MAML3: variants seen among roughly 807,000 people sequenced by gnomAD.
MAML3 encodes mastermind-like protein 3.
MAML3 carries 27 observed loss-of-function variants against 101.9 expected under a neutral mutation model. The ratio of observed to expected loss-of-function variants is 0.27; its 90% CI spans 0.20 to 0.37. MAML3 has a LOEUF of 0.37. MAML3 is among the 10% of genes least tolerant of loss of function. The probability of loss-of-function intolerance (pLI) is 1.00; values close to 1 mark genes in which losing one functional copy is unlikely to be tolerated. For synonymous variants in MAML3, 501 were observed against 555.9 expected (o/e 0.90, Z 1.39); for missense variants, 1,316 against 1,444.9 (o/e 0.91, Z 1.45).
intron 2 of MAML3, among the ~76,000 whole-genome samples, chr4:139,872,683 G>A (rs1310927027): frequency 6.6e-6 from 1 of 152,140 alleles, no homozygotes; most frequent in African/African-American, 2.4e-5. Context: ...CAAAGGAAGG[G>A]ATAGAAATGA....
intron 1 of MAML3, among the ~76,000 whole-genome samples, chr4:140,069,601 G>C (rs1201537982): frequency 7.0e-5 from 10 of 142,930 alleles, no homozygotes; most frequent in Non-Finnish European, 1.5e-4. Context: ...AGAGGAGGAG[G>C]AAGAAGAAGA....
In MAML3 at chr4:139,725,842, C is replaced by A. The variant is rs761157628; in HGVS notation, c.2332-7G>T. 3.1e-6 allele frequency: 5 copies of A among 1,612,996 alleles called. No individual in the cohort carries two copies. The highest frequency in any genetic ancestry group is 4.5e-5 in the East Asian group (2 of 44,882). ...GATGTGATTGCTGCAACTGCTAGAA[C>A]AACAGAACACAAGAGGGGTGGAGAG... is the stretch of plus-strand genomic sequence containing the variant. On this transcript the variant is annotated splice_region_variant and splice_polypyrimidine_tract_variant and intron_variant, in intron 3 of 4. Transcript: ENST00000509479.
intron 1 of MAML3, among the ~76,000 whole-genome samples, chr4:140,058,566 G>GTATATA (rs10545710): frequency 6.7e-6 from 1 of 148,434 alleles, no homozygotes; most frequent in Non-Finnish European, 1.5e-5. Context: ...TATAATACAT[G>GTATATA]TATATATATA....
At chr4:140,124,148 G>A (rs958813376) in intron 1 of MAML3, among the ~76,000 whole-genome samples, 2 of 152,098 alleles carry the variant, frequency 1.3e-5, no homozygotes, top group African/African-American at 4.8e-5. Flanking sequence ...TTTCTCTGAC[G>A]TTTTTAACAA....
intron 1 of MAML3, among the ~76,000 whole-genome samples, chr4:140,018,925 T>C (rs1306018554): frequency 6.9e-6 from 1 of 145,076 alleles, no homozygotes; most frequent in African/African-American, 2.4e-5. Context: ...ACAAGAAAAA[T>C]GAAAAAATAC....
At position 139,889,400 on chromosome 4, in the gene MAML3, A is replaced by G. The variant is rs747780027; in HGVS notation, c.2036T>C (p.Met679Thr). ...TGCAGCGTAAGCCATGGGCTGATTC[A>G]TCACTCCTTTCTGCTTCATGAGAAG... ...RLLLMKQKGV[M>T]NQPMAYAALP... Residue 679 changes from methionine to threonine, a missense_variant, in exon 2 of 5, where the codon ATG (methionine) becomes ACG (threonine). Coordinates refer to ENST00000509479, the MANE Select transcript of MAML3 (RefSeq NM_018717.5). 2 of 1,614,028 alleles carry G rather than the reference A, an allele frequency of 1.2e-6. No homozygotes were observed. Among genetic ancestry groups the G allele is most frequent in the East Asian group, 4.5e-5 (2 of 44,890 alleles).
At chr4:139,900,358 A>T (rs1334218600) in intron 1 of MAML3, among the ~76,000 whole-genome samples, 3 of 152,184 alleles carry the variant, frequency 2.0e-5, no homozygotes, top group East Asian at 1.9e-4. Context: ...TCCTTTAATT[A>T]TGCTTAAACA....
At chr4:140,046,894 C>T (rs1727192612) in intron 1 of MAML3, among the ~76,000 whole-genome samples, 2 of 151,952 alleles carry the variant, frequency 1.3e-5, no homozygotes, top group South Asian at 2.1e-4. Flanking sequence ...CAGAGAGGCT[C>T]GTGTGGAATA....
chr4:139,744,840 T>C (rs974855468), intron 2 of MAML3, among the ~76,000 whole-genome samples: 2 of 152,174 alleles, frequency 1.3e-5, no homozygotes, highest in Non-Finnish European at 2.9e-5. Flanking sequence ...TCGATTTCCA[T>C]AGAGCCAGGC....
At chr4:140,066,780 C>T (rs1162476602) in intron 1 of MAML3, among the ~76,000 whole-genome samples, 1 of 152,228 alleles carries the variant, frequency 6.6e-6, no homozygotes, top group Non-Finnish European at 1.5e-5. Flanking sequence ...CCAGATCTAC[C>T]TATCCCACCA....
At chr4:140,112,955 G>A (rs1728460328) in intron 1 of MAML3, among the ~76,000 whole-genome samples, 1 of 152,108 alleles carries the variant, frequency 6.6e-6, no homozygotes, top group Non-Finnish European at 1.5e-5. Flanking sequence ...AGTTTTGTAG[G>A]GCCTGAAGTC....
intron 1 of MAML3, among the ~76,000 whole-genome samples, chr4:140,085,902 A>G (rs1727943987): frequency 6.6e-6 from 1 of 152,214 alleles, no homozygotes; most frequent in African/African-American, 2.4e-5. Context: ...TTTGTCCTAC[A>G]GATTTCTTCT....
intron 1 of MAML3, among the ~76,000 whole-genome samples, chr4:139,979,926 A>G (rs1322245841): frequency 6.6e-6 from 1 of 152,192 alleles, no homozygotes; most frequent in Non-Finnish European, 1.5e-5. Flanking sequence ...ACAACTGCCA[A>G]TAGTAAGTAG....
At chr4:139,949,504 C>A (rs1425560786) in intron 1 of MAML3, among the ~76,000 whole-genome samples, 2 of 152,252 alleles carry the variant, frequency 1.3e-5, no homozygotes, top group African/African-American at 4.8e-5. Flanking sequence ...TCACAAAAAA[C>A]CAGGAAGCAT....
intron 2 of MAML3, among the ~76,000 whole-genome samples, chr4:139,865,825 C>A (rs922997306): frequency 1.3e-5 from 2 of 152,266 alleles, no homozygotes; most frequent in South Asian, 2.1e-4. Flanking sequence ...AAGTAGTCTG[C>A]AGAAGCAAGG....
intron 1 of MAML3, among the ~76,000 whole-genome samples, chr4:139,997,182 T>C (rs1029427621): frequency 2.0e-5 from 3 of 150,734 alleles, no homozygotes; most frequent in Non-Finnish European, 4.4e-5. Context: ...ATTGATACAG[T>C]TGGGATTTTA....
chr4:140,078,557 A>T (rs1298401536), intron 1 of MAML3, among the ~76,000 whole-genome samples: 1 of 152,046 alleles, frequency 6.6e-6, no homozygotes, highest in Admixed American at 6.6e-5. Context: ...GGGCTGGAGG[A>T]GGGAGCCTGG....
At chr4:140,000,186 TA>T (rs1482612130) in intron 1 of MAML3, among the ~76,000 whole-genome samples, 1 of 152,224 alleles carries the variant, frequency 6.6e-6, no homozygotes, top group East Asian at 1.9e-4. Context: ...ATTAATATAT[TA>T]AAACTGTCAC....
chr4:139,730,308 G>C, intron 3 of MAML3, 108 bp downstream of exon 3: 1 of 954,662 alleles, frequency 1.0e-6, no homozygotes, highest in South Asian at 1.5e-5. Context: ...GCTAGACCGT[G>C]AGCATCTTGA....
Sources: gnomAD v4.1 joint callset for allele counts (sites outside exome capture counted in the v4.1 genomes callset) on GRCh38, gnomAD v4.1.1 for gene constraint, MANE v1.5 for transcripts, NCBI Gene and HGNC (gene_info 2026-07-23, HGNC 2026-07-21) for gene names.